NR2C2: variants seen among roughly 807,000 people sequenced by gnomAD.
NR2C2 encodes nuclear receptor subfamily 2 group C member 2, also known as Nuclear hormone receptor TR4.
A neutral mutation model predicts 62.9 loss-of-function variants in NR2C2; 6 were observed. The observed-to-expected ratio is 0.10, with a 90% CI of 0.05 to 0.19. NR2C2 has a LOEUF of 0.19. Ranked by LOEUF, NR2C2 falls within the 10% of genes least tolerant of loss-of-function variation. The pLI is 1.00. For missense variants in NR2C2, 479 were observed against 762.7 expected, an observed-to-expected ratio of 0.63 and a Z score of 4.38; for synonymous variants, 272 against 273.8, an observed-to-expected ratio of 0.99 and a Z score of 0.07.
chr3:15,005,666 G>A (rs1022930216), intron 2 of NR2C2, among the ~76,000 whole-genome samples: 2 of 151,972 alleles, frequency 1.3e-5, no homozygotes, highest in Non-Finnish European at 2.9e-5. Flanking sequence ...AAGTAGTTGG[G>A]ACTACAAATG....
At chr3:14,979,648 G>A (rs181567775) in intron 1 of NR2C2, among the ~76,000 whole-genome samples, 7 of 152,108 alleles carry the variant, frequency 4.6e-5, no homozygotes, top group Admixed American at 1.3e-4. Flanking sequence ...GGGGGTTACA[G>A]AGGTGGGGAA....
intron 1 of NR2C2, among the ~76,000 whole-genome samples, chr3:14,958,946 A>G (rs1380521835): frequency 1.3e-5 from 2 of 152,286 alleles, no homozygotes; most frequent in African/African-American, 2.4e-5. Context: ...ACTGCACTCC[A>G]GCCTGGCGAC....
intron 2 of NR2C2, among the ~76,000 whole-genome samples, chr3:15,004,279 G>A (rs1479357451): frequency 6.6e-6 from 1 of 152,062 alleles, no homozygotes; most frequent in Admixed American, 6.6e-5. Context: ...TAAGAGCAAG[G>A]GCCCCTACTT....
intron 1 of NR2C2, among the ~76,000 whole-genome samples, chr3:14,976,556 C>G (rs1351402872): frequency 6.9e-6 from 1 of 145,372 alleles, no homozygotes; most frequent in African/African-American, 2.6e-5. Flanking sequence ...CTTTACTTCT[C>G]TCTTGTTTGG....
chr3:14,968,354 C>T (rs1346216265), intron 1 of NR2C2, among the ~76,000 whole-genome samples: 2 of 152,116 alleles, frequency 1.3e-5, no homozygotes, highest in South Asian at 2.1e-4. Flanking sequence ...CAAAAGAAGA[C>T]ATTTATGCAG....
intron 7 of NR2C2, among the ~76,000 whole-genome samples, chr3:15,024,615 A>G (rs73129407): frequency 0.014 from 2,081 of 152,362 alleles, 52 homozygotes; most frequent in African/African-American, 0.047. Context: ...CCAGGAATCT[A>G]TCAGTTCCAA....
chr3:14,971,511 G>T (rs1252985215), intron 1 of NR2C2, among the ~76,000 whole-genome samples: 1 of 151,674 alleles, frequency 6.6e-6, no homozygotes, highest in African/African-American at 2.4e-5. Flanking sequence ...CCCAGAAGTG[G>T]AATTGCTGGA....
intron 1 of NR2C2, among the ~76,000 whole-genome samples, chr3:14,962,177 A>G (rs144233749): frequency 2.0e-5 from 3 of 152,196 alleles, no homozygotes; most frequent in Non-Finnish European, 4.4e-5. Flanking sequence ...ATCTTTGTCT[A>G]TATTTGTCAG....
chr3:15,013,690 A>G lies in NR2C2; in HGVS notation c.174A>G (p.Gly58=), dbSNP rs766398762. The change falls in exon 3 of 14, where the codon GGA becomes GGG. Residue 58 remains glycine, a synonymous_variant. Coordinates refer to ENST00000425241, the MANE Select transcript of NR2C2 (RefSeq NM_001291694.2). ...KQQFILTSPD[G]AGTGKVILAS... ...AGTTCATCCTGACCAGCCCAGATGGAGCTGGAACTGGGAAGGTGATCCTGG... is the reference window on the plus strand; with the variant it reads ...AGTTCATCCTGACCAGCCCAGATGGGGCTGGAACTGGGAAGGTGATCCTGG... 2.5e-6 allele frequency: 4 copies of G among 1,614,182 alleles called. No homozygotes were observed. Among genetic ancestry groups the G allele is most frequent in the Non-Finnish European group, 3.4e-6 (4 of 1,180,008 alleles).
chr3:14,961,376 C>T (rs932215739), intron 1 of NR2C2, among the ~76,000 whole-genome samples: 3 of 152,008 alleles, frequency 2.0e-5, no homozygotes, highest in African/African-American at 7.2e-5. Context: ...CAAGATAATC[C>T]ACTTTGTGAT....
chr3:14,966,462 C>T (rs1027297887), intron 1 of NR2C2, among the ~76,000 whole-genome samples: 19 of 152,196 alleles, frequency 1.2e-4, no homozygotes, highest in Admixed American at 2.0e-4. Context: ...TGGCGCCTTC[C>T]TGTGGTCTCA....
At chr3:14,957,924 A>G (rs1332598625) in intron 1 of NR2C2, among the ~76,000 whole-genome samples, 1 of 13,098 alleles carries the variant, frequency 7.6e-5, no homozygotes, top group African/African-American at 7.9e-4. Flanking sequence ...ATTCCACACC[A>G]CATTGCCATT....
intron 2 of NR2C2, among the ~76,000 whole-genome samples, chr3:15,009,035 A>G (rs2041273207): frequency 6.6e-6 from 1 of 152,120 alleles, no homozygotes; most frequent in African/African-American, 2.4e-5. Flanking sequence ...AGCCTGACCA[A>G]CATGGAGAAA....
At chr3:14,976,313 T>G (rs1275171476) in intron 1 of NR2C2, among the ~76,000 whole-genome samples, 1 of 152,228 alleles carries the variant, frequency 6.6e-6, no homozygotes, top group African/African-American at 2.4e-5. Flanking sequence ...CCAATAAAAT[T>G]ATATCCTGTT....
At chr3:14,970,235 C>T (rs554058880) in intron 1 of NR2C2, among the ~76,000 whole-genome samples, 132 of 116,142 alleles carry the variant, frequency 1.1e-3, no homozygotes, top group African/African-American at 4.0e-3. Context: ...CTTGATTTAT[C>T]GGGCTTAGAT....
At chr3:14,957,659 C>T (rs527821305) in intron 1 of NR2C2, among the ~76,000 whole-genome samples, 2 of 152,116 alleles carry the variant, frequency 1.3e-5, no homozygotes, top group Non-Finnish European at 2.9e-5. Flanking sequence ...TATACTGTGC[C>T]CTGTTGTCAT....
At chr3:14,981,835 G>T (rs1029979308) in intron 1 of NR2C2, among the ~76,000 whole-genome samples, 2 of 152,114 alleles carry the variant, frequency 1.3e-5, no homozygotes, top group African/African-American at 4.8e-5. Flanking sequence ...TTCGATGTTC[G>T]AGGGCAGGAA....
At chr3:14,961,438 A>G (rs189638756) in intron 1 of NR2C2, among the ~76,000 whole-genome samples, 4 of 152,378 alleles carry the variant, frequency 2.6e-5, no homozygotes, top group African/African-American at 9.6e-5. Flanking sequence ...ACACTCAATA[A>G]TACTGTATAG....
At chr3:15,021,957 A>C (rs2041679771) in intron 5 of NR2C2, among the ~76,000 whole-genome samples, 1 of 152,250 alleles carries the variant, frequency 6.6e-6, no homozygotes, top group African/African-American at 2.4e-5. Flanking sequence ...GCCCAAAGTG[A>C]ATAAATAAAT....
Sources: allele counts gnomAD v4.1 joint callset (sites outside exome capture counted in the v4.1 genomes callset), GRCh38; gene constraint gnomAD v4.1.1; transcripts MANE v1.5; gene names NCBI Gene and HGNC (gene_info 2026-07-23, HGNC 2026-07-21).